ZFHX2: variants seen among roughly 807,000 people sequenced by gnomAD.
ZFHX2 encodes the protein zinc finger homeobox 2, also known as zinc finger homeobox protein 2.
Under a neutral mutation model 164.8 loss-of-function variants are expected in ZFHX2, and 75 were observed. The observed-to-expected ratio is 0.46, with a 90% confidence interval of 0.38 to 0.55. The LOEUF (loss-of-function observed/expected upper bound fraction) is 0.55. Among genes scored for constraint, ZFHX2 ranks in the 20% least tolerant of loss-of-function variants. ZFHX2 has a pLI of 0.00. For synonymous variants in ZFHX2, 1,217 were observed against 1,351.4 expected (o/e 0.90, Z 2.18); for missense variants, 2,933 against 3,308.0 (o/e 0.89, Z 2.78).
rs1169207174 is a variant in ZFHX2, at chr14:23,524,257, C to A, written c.5685G>T (p.Gly1895=). The change falls in exon 9 of 10, where the codon GGG becomes GGT. Residue 1895 remains glycine, a synonymous_variant. Transcript: ENST00000419474. The surrounding 1 kb of genome is among the most constrained non-coding windows in gnomAD (Gnocchi z 5.6). The part of the protein sequence containing the change: ...KMLDCISEEV[G]LKKRVVQVWF... ...AGACCTGTACCACTCGCTTTTTGAG[C>A]CCCACCTCCTCGGAGATGCAGTCGA... 8 of 1,536,374 alleles carry A rather than the reference C, an allele frequency of 5.2e-6. No individual in the cohort carries two copies. The highest frequency in any genetic ancestry group is 7.0e-6 in the Non-Finnish European group (8 of 1,146,952).
intron 1 of ZFHX2, among the ~76,000 whole-genome samples, chr14:23,540,132 AG>A (rs1489522642): frequency 6.6e-6 from 1 of 152,152 alleles, no homozygotes; most frequent in Non-Finnish European, 1.5e-5. Context: ...CTGGGACTAC[AG>A]GCATGTGCCA....
rs1015577205 is a variant in ZFHX2 at position 23,530,157 on chromosome 14, G to C, written c.2838C>G (p.Thr946=). ...TCTTGTTCTGGGCATCTTTCTCAGG[G>C]GTGGGTGGCTCAGCTAAGGGGGTGA... ...APVTPLAEPP[T]PEKDAQNKTE... is the part of the protein sequence containing the mutation. Residue 946 remains threonine, a synonymous_variant, in exon 5 of 10, where the codon ACC becomes ACG. Coordinates refer to ENST00000419474, the MANE Select transcript of ZFHX2 (RefSeq NM_033400.3). 1 of 1,536,088 alleles carries C rather than the reference G, an allele frequency of 6.5e-7. No individual in the cohort carries two copies. The highest frequency in any genetic ancestry group is 1.4e-5 in the African/African-American group (1 of 73,090).
intron 1 of ZFHX2, among the ~76,000 whole-genome samples, chr14:23,548,970 C>G (rs1404803750): frequency 6.6e-6 from 1 of 152,188 alleles, no homozygotes; most frequent in Non-Finnish European, 1.5e-5. Context: ...CTCTGTGCAG[C>G]TCTGATCTGC....
chr14:23,533,033 C>A lies in ZFHX2; in HGVS notation c.2093G>T (p.Gly698Val), dbSNP rs556807652. 1.3e-6 allele frequency: 2 copies of A among 1,535,510 alleles called. No homozygotes were observed. The highest frequency in any genetic ancestry group is 4.9e-5 in the East Asian group (2 of 40,894). The change falls in exon 3 of 10, where the codon GGT (glycine) becomes GTT (valine). Residue 698 changes from glycine to valine, a missense_variant. Transcript: ENST00000419474. This position sits in a 1 kb window ranked among gnomAD's most constrained non-coding sequence, Gnocchi z 4.8. ...GGTGGGCAGGCTGTCAGATGAGGAA[C>A]CCAGGAGCTGACTTGGAGGCAGGTG... ...DAHLPPSQLL[G>V]SSSDSLPTSP...
chr14:23,522,294 C>G lies in ZFHX2; in HGVS notation c.7387G>C (p.Glu2463Gln). ...CTCTGGTGGGCAGTAGCCGGGGCCTCCCCGTCAAATGCCATCTTGCACTGG... is the reference window on the plus strand; with the variant it reads ...CTCTGGTGGGCAGTAGCCGGGGCCTGCCCGTCAAATGCCATCTTGCACTGG... ...CRQCKMAFDG[E>Q]APATAHQRSF... The change falls in exon 10 of 10, where the codon GAG becomes CAG. Residue 2463 changes from glutamate (E) to glutamine (Q), a missense_variant. Glu to Gln is a conservative substitution (Grantham distance 29). Coordinates refer to ENST00000419474, the MANE Select transcript of ZFHX2 (RefSeq NM_033400.3). 5 of 1,508,404 alleles carry G rather than the reference C, an allele frequency of 3.3e-6. No individual in the cohort carries two copies. The highest frequency in any genetic ancestry group is 4.4e-6 in the Non-Finnish European group (5 of 1,130,442). 93.4% of individuals were successfully genotyped at this position (1,508,404 alleles called of 1,614,324 possible).
rs1266246629 is a variant in ZFHX2 at position 23,535,980 on chromosome 14, T to G, written c.-49-606A>C. Among the ~76,000 whole-genome samples the G allele has an allele frequency of 2.0e-5, 3 of 152,334 alleles. No homozygotes were observed. Among genetic ancestry groups the G allele is most frequent in the Non-Finnish European group, 2.9e-5 (2 of 68,030 alleles). On this transcript the variant is annotated intron_variant, in intron 1 of 9. Transcript: ENST00000419474. This position sits in a 1 kb window ranked among gnomAD's most constrained non-coding sequence, Gnocchi z 4.5. Reference sequence around the variant, plus strand: ...CCAACATTTATCCAGTGGCTTAGACTAAAAACCCAAAGTTTTATCTTGCCC... The same window carrying G: ...CCAACATTTATCCAGTGGCTTAGACGAAAAACCCAAAGTTTTATCTTGCCC...
chr14:23,551,169 G>A lies in ZFHX2; in HGVS notation c.-50+174C>T. Among the ~76,000 whole-genome samples the A allele has an allele frequency of 6.6e-6, 1 of 151,222 alleles. No homozygotes were observed. The highest frequency in any genetic ancestry group is 2.4e-5 in the African/African-American group (1 of 41,060). ...CCCAGGGCTCTCGGTCTGTCTGTCCGTCCGTCCTTGTCCCCTCCCCCAGCC... is the reference window on the plus strand; with the variant it reads ...CCCAGGGCTCTCGGTCTGTCTGTCCATCCGTCCTTGTCCCCTCCCCCAGCC... On this transcript the variant is annotated intron_variant, in intron 1 of 9. Transcript: ENST00000419474. The surrounding 1 kb of genome is among the most constrained non-coding windows in gnomAD (Gnocchi z 5.3).
chr14:23,532,934 C>G lies in ZFHX2; in HGVS notation c.2192G>C (p.Ser731Thr), dbSNP rs1221884052. 2.0e-6 allele frequency: 3 copies of G among 1,536,068 alleles called. No homozygotes were observed. In the African/African-American group the frequency reaches 4.1e-5, roughly 21 times the overall value. Reference sequence around the variant, plus strand: ...GCAGTGGTAGAGCAGCAGCTCCAGGCTGTCTGTGCTGAAGGCCTGGCACAC... The same window carrying G: ...GCAGTGGTAGAGCAGCAGCTCCAGGGTGTCTGTGCTGAAGGCCTGGCACAC... ...CLVCQAFSTD[S>T]LELLLYHCSI... Residue 731 changes from serine (S) to threonine (T), a missense_variant, in exon 3 of 10, where the codon AGC becomes ACC. By Grantham distance (58) the Ser-to-Thr change is moderately conservative. Coordinates refer to ENST00000419474, the MANE Select transcript of ZFHX2 (RefSeq NM_033400.3).
Position 23,535,470 on chromosome 14 carries a change from G to T in ZFHX2, c.-49-96C>A. 1 of 1,038,012 alleles carries T rather than the reference G, an allele frequency of 9.6e-7. No individual in the cohort carries two copies. The highest frequency in any genetic ancestry group is 1.3e-6 in the Non-Finnish European group (1 of 786,504). 64.3% of individuals were successfully genotyped at this position (1,038,012 alleles called of 1,614,324 possible). A position where few individuals can be genotyped will look rare whatever the true frequency, so the allele number is the denominator to read the frequency against. On this transcript the variant is annotated intron_variant, in intron 1 of 9. Transcript: ENST00000419474. The surrounding 1 kb of genome is among the most constrained non-coding windows in gnomAD (Gnocchi z 4.5). ...ATACTCCTGCCCCATCCTCTTCCCT[G>T]AACACCAGACTCAGACACCACTTTG... is the stretch of plus-strand genomic sequence containing the variant.
At chr14:23,549,104 T>C (rs1881695207) in intron 1 of ZFHX2, among the ~76,000 whole-genome samples, 1 of 152,182 alleles carries the variant, frequency 6.6e-6, no homozygotes, top group Non-Finnish European at 1.5e-5. Flanking sequence ...TAGTGCTTTT[T>C]CTGTTGACCT....
chr14:23,549,281 C>A (rs1395641898), intron 1 of ZFHX2, among the ~76,000 whole-genome samples: 3 of 152,260 alleles, frequency 2.0e-5, no homozygotes, highest in Non-Finnish European at 1.5e-5. Flanking sequence ...TCACGTCATA[C>A]ATTTCTCTAC....
At position 23,533,048 on chromosome 14, in the gene ZFHX2, G is replaced by A; in HGVS notation, c.2078C>T (p.Pro693Leu). 1 of 1,534,242 alleles carries A rather than the reference G, an allele frequency of 6.5e-7. No individual in the cohort carries two copies. Among genetic ancestry groups the A allele is most frequent in the Non-Finnish European group, 8.7e-7 (1 of 1,145,574 alleles). Residue 693 changes from proline to leucine, a missense_variant, in exon 3 of 10, where the codon CCA (proline) becomes CTA (leucine). Pro to Leu is a moderately conservative substitution (Grantham distance 98, BLOSUM62 -3). Transcript: ENST00000419474. The surrounding 1 kb of genome is among the most constrained non-coding windows in gnomAD (Gnocchi z 4.8). ...AGATGAGGAACCCAGGAGCTGACTTGGAGGCAGGTGGGCATCAGGGGATAG... is the reference window on the plus strand; with the variant it reads ...AGATGAGGAACCCAGGAGCTGACTTAGAGGCAGGTGGGCATCAGGGGATAG... ...GSLSPDAHLP[P>L]SQLLGSSSDS...
upstream of ZFHX2, among the ~76,000 whole-genome samples, chr14:23,552,278 G>A (rs1394771975): frequency 2.7e-5 from 4 of 150,616 alleles, no homozygotes; most frequent in African/African-American, 7.3e-5. Flanking sequence ...CGCTTATTAA[G>A]TGCTCCTGAA....
Position 23,533,881 on chromosome 14 carries a change from T to C in ZFHX2, c.1445A>G (p.His482Arg). ...GCCCCCAGCACTGCAGTAGCTGCAG[T>C]GACTGTTGCTCTCAGGGTGCTTCTC... ...MREKHPESNS[H>R]CSYCSAGGAH... The change falls in exon 2 of 10, where the codon CAC (histidine) becomes CGC (arginine). Residue 482 changes from histidine (H) to arginine (R), a missense_variant. Coordinates refer to ENST00000419474, the MANE Select transcript of ZFHX2 (RefSeq NM_033400.3). The surrounding 1 kb of genome is among the most constrained non-coding windows in gnomAD (Gnocchi z 4.8). 33 of 1,538,074 alleles carry C rather than the reference T, an allele frequency of 2.1e-5. No individual in the cohort carries two copies. Among genetic ancestry groups the C allele is most frequent in the Non-Finnish European group, 2.9e-5 (33 of 1,147,284 alleles).
Position 23,532,704 on chromosome 14 carries a change from C to T in ZFHX2, c.2422G>A (p.Gly808Arg). ...ACAGACCCATAAGGAGCCCCATCTC[C>T]CAGGGATGCTGGGGAAGGGGTGCCC... ...AMGTPSPASL[G>R]DGAPYGSVSP... is the part of the protein sequence containing the mutation. Residue 808 changes from glycine to arginine, a missense_variant, in exon 3 of 10, where the codon GGA (glycine) becomes AGA (arginine). Gly to Arg is a moderately radical substitution (Grantham distance 125, BLOSUM62 -2). Transcript: ENST00000419474. The T allele has an allele frequency of 6.5e-7, 1 of 1,533,312 alleles. No homozygotes were observed. Among genetic ancestry groups the T allele is most frequent in the Non-Finnish European group, 8.7e-7 (1 of 1,145,218 alleles). 95.0% of individuals were successfully genotyped at this position (1,533,312 alleles called of 1,614,324 possible).
rs1236367539 is a variant in ZFHX2 at position 23,526,542 on chromosome 14, C to T, written c.3400G>A (p.Asp1134Asn). 1 of 1,535,902 alleles carries T rather than the reference C, an allele frequency of 6.5e-7. No individual in the cohort carries two copies. Among genetic ancestry groups the T allele is most frequent in the Non-Finnish European group, 8.7e-7 (1 of 1,146,826 alleles). The change falls in exon 9 of 10, where the codon GAT becomes AAT. Residue 1134 changes from aspartate (D) to asparagine (N), a missense_variant. By Grantham distance (23) the Asp-to-Asn change is conservative. Coordinates refer to ENST00000419474, the MANE Select transcript of ZFHX2 (RefSeq NM_033400.3). ...SPAPSPVPEP[D>N]AQAEDVAPPP... ...GGAGCTACGTCTTCAGCTTGGGCAT[C>T]AGGTTCAGGGACTGGAGATGGGGCT...
chr14:23,525,907 C>G lies in ZFHX2; in HGVS notation c.4035G>C (p.Leu1345=). ...FPAPLFTPPV[L]PPFPLVPESL... The stretch of plus-strand genomic sequence containing the variant: ...ATTCGGGCACCAGAGGGAAGGGGGG[C>G]AGGACTGGTGGGGTGAAGAGAGGGG... Residue 1345 remains leucine, a synonymous_variant, in exon 9 of 10, where the codon CTG becomes CTC. Transcript: ENST00000419474. This position sits in a 1 kb window ranked among gnomAD's most constrained non-coding sequence, Gnocchi z 5.9. 6.9e-7 allele frequency: 1 copy of G among 1,443,382 alleles called. No individual in the cohort carries two copies. Among genetic ancestry groups the G allele is most frequent in the Non-Finnish European group, 9.0e-7 (1 of 1,105,722 alleles). The allele number at this position is 1,443,382 out of a possible 1,614,324, so 89.4% of individuals were successfully genotyped here.
chr14:23,534,300 G>A lies in ZFHX2; in HGVS notation c.1026C>T (p.Ala342=), dbSNP rs920773871. 7 of 1,535,070 alleles carry A rather than the reference G, an allele frequency of 4.6e-6. No individual in the cohort carries two copies. The highest frequency in any genetic ancestry group is 6.1e-6 in the Non-Finnish European group (7 of 1,146,046). ...ALILLDEEVM[A]LSPPSPPTAT... ...CTGTGGGTGGAGAGGGTGGGCTGAG[G>A]GCCATAACTTCTTCATCCAGGAGGA... The change falls in exon 2 of 10, where the codon GCC becomes GCT. Residue 342 remains alanine, a synonymous_variant. Coordinates refer to ENST00000419474, the MANE Select transcript of ZFHX2 (RefSeq NM_033400.3). The surrounding 1 kb of genome is among the most constrained non-coding windows in gnomAD (Gnocchi z 4.5).
At chr14:23,540,032 G>A (rs945626708) in intron 1 of ZFHX2, among the ~76,000 whole-genome samples, 1 of 152,200 alleles carries the variant, frequency 6.6e-6, no homozygotes, top group African/African-American at 2.4e-5. Context: ...CGGTCTCCCA[G>A]GCTGGAGTGC....
Sources: allele counts gnomAD v4.1 joint callset (sites outside exome capture counted in the v4.1 genomes callset), GRCh38; gene constraint gnomAD v4.1.1; non-coding constraint Gnocchi (gnomAD v3.1); transcripts MANE v1.5; gene names NCBI Gene and HGNC (gene_info 2026-07-23, HGNC 2026-07-21).